The following ADAMTS16 variants were observed in gnomAD, a reference collection of about 807,000 sequenced individuals.
The protein encoded by ADAMTS16 is ADAM metallopeptidase with thrombospondin type 1 motif 16.
In ADAMTS16, 94 loss-of-function variants were observed where a neutral mutation model predicts 145.8. The ratio of observed to expected loss-of-function variants is 0.64; its 90% CI spans 0.55 to 0.77. ADAMTS16 has a LOEUF of 0.77. Ranked by LOEUF, ADAMTS16 falls within the 30% of genes least tolerant of loss-of-function variation. ADAMTS16 has a pLI of 0.00. For missense variants in ADAMTS16, 1,585 were observed against 1,591.5 expected, an observed-to-expected ratio of 1.00 and a Z score of 0.07; for synonymous variants, 659 against 604.3, an observed-to-expected ratio of 1.09 and a Z score of -1.33.
At chr5:5,280,317 TCTAGAGAAGGATC>T (rs1738855318) in intron 18 of ADAMTS16, among the ~76,000 whole-genome samples, 1 of 152,212 alleles carries the variant, frequency 6.6e-6, no homozygotes, top group African/African-American at 2.4e-5. Flanking sequence ...CATCCATTTC[TCTAGAGAAGGATC>T]CTGTGGCGGA....
intron 21 of ADAMTS16, among the ~76,000 whole-genome samples, chr5:5,315,562 G>GA (rs1734021247): frequency 6.6e-6 from 1 of 152,040 alleles, no homozygotes; most frequent in South Asian, 2.1e-4. Context: ...CTCAAGAAAC[G>GA]AAAGATGTTG....
At position 5,141,665 on chromosome 5, in the gene ADAMTS16, G is replaced by A. The variant is rs188819749; in HGVS notation, c.175+899G>A. 3.3e-5 allele frequency among the ~76,000 whole-genome samples: 5 copies of A among 152,226 alleles called. No homozygotes were observed. In the East Asian group the frequency reaches 9.6e-4, roughly 29 times the overall value. Reference sequence around the variant, plus strand: ...TCATTCTCTCAATGTATTTCCAGAAGATCTAGAAAATTAAAGTTAACAATT... The same window carrying A: ...TCATTCTCTCAATGTATTTCCAGAAAATCTAGAAAATTAAAGTTAACAATT... On this transcript the variant is annotated intron_variant, in intron 2 of 22. Coordinates refer to ENST00000274181, the MANE Select transcript of ADAMTS16 (RefSeq NM_139056.4).
intron 18 of ADAMTS16, among the ~76,000 whole-genome samples, chr5:5,282,535 C>T (rs754522831): frequency 5.3e-5 from 8 of 152,170 alleles, no homozygotes; most frequent in East Asian, 1.9e-4. Context: ...TGTCCTTCCC[C>T]GCCCTTCCCT....
At chr5:5,242,305 G>T in intron 17 of ADAMTS16, 114 bp downstream of exon 17, 1 of 1,382,426 alleles carries the variant, frequency 7.2e-7, no homozygotes, top group Non-Finnish European at 9.6e-7. Context: ...CTCCCTGCCA[G>T]TAGCAGTGAC....
chr5:5,208,204 T>TG (rs1333896426), intron 9 of ADAMTS16, among the ~76,000 whole-genome samples: 1 of 151,620 alleles, frequency 6.6e-6, no homozygotes, highest in Non-Finnish European at 1.5e-5. Flanking sequence ...AACGTGGGAC[T>TG]GGGGGTCCTA....
intron 17 of ADAMTS16, 35 bp downstream of exon 17, chr5:5,242,226 A>T (rs768314350): frequency 6.2e-7 from 1 of 1,609,370 alleles, no homozygotes; most frequent in South Asian, 1.1e-5. Flanking sequence ...TGGAGGCAGC[A>T]TGTCAGCCTT....
At chr5:5,223,307 A>G (rs1239464674) in intron 11 of ADAMTS16, 1 of 163,832 alleles carries the variant, frequency 6.1e-6, no homozygotes, top group African/African-American at 2.4e-5. Context: ...TATGGTAGAG[A>G]AAAGAAGAAG....
chr5:5,250,624 G>C (rs1007006547), intron 17 of ADAMTS16, among the ~76,000 whole-genome samples: 1 of 152,166 alleles, frequency 6.6e-6, no homozygotes, highest in African/African-American at 2.4e-5. Flanking sequence ...GTGGTGGAGA[G>C]GGTGCTGTTT....
At chr5:5,204,941 T>C (rs1322993172) in intron 9 of ADAMTS16, among the ~76,000 whole-genome samples, 1 of 152,252 alleles carries the variant, frequency 6.6e-6, no homozygotes, top group Non-Finnish European at 1.5e-5. Context: ...TTGATATTTT[T>C]CATTTTAGGT....
chr5:5,275,446 T>C (rs1019403444), intron 18 of ADAMTS16, among the ~76,000 whole-genome samples: 6 of 152,210 alleles, frequency 3.9e-5, no homozygotes, highest in Non-Finnish European at 5.9e-5. Context: ...CTAGATCAAA[T>C]TCCATAGTTA....
intron 3 of ADAMTS16, among the ~76,000 whole-genome samples, chr5:5,167,427 T>G (rs917466176): frequency 3.3e-5 from 5 of 152,222 alleles, no homozygotes; most frequent in African/African-American, 1.2e-4. Context: ...GATCATTTGC[T>G]TCAATATTTC....
intron 2 of ADAMTS16, 51 bp downstream of exon 2, chr5:5,140,817 A>G (rs760088530): frequency 3.5e-5 from 52 of 1,473,420 alleles, no homozygotes; most frequent in Non-Finnish European, 2.3e-5. Flanking sequence ...GCAGCTCGTA[A>G]TCTCCGTGCC....
intron 18 of ADAMTS16, among the ~76,000 whole-genome samples, chr5:5,276,180 A>G (rs1738688162): frequency 6.6e-6 from 1 of 152,208 alleles, no homozygotes; most frequent in Non-Finnish European, 1.5e-5. Context: ...TTCTTTTAAC[A>G]TAAGCTGAAT....
At chr5:5,172,799 T>C (rs1181256036) in intron 3 of ADAMTS16, among the ~76,000 whole-genome samples, 1 of 152,068 alleles carries the variant, frequency 6.6e-6, no homozygotes, top group Admixed American at 6.5e-5. Context: ...TCCCTGGTGA[T>C]TTTCTGTCTT....
In ADAMTS16 at chr5:5,220,454, G is replaced by A. The variant is rs548804278; in HGVS notation, c.1606-2335G>A. ...ATTACAGGTGTGAGCCACCGCGCCC[G>A]GCCAATAATTTAACATTTTAAAACA... On this transcript the variant is annotated intron_variant, in intron 10 of 22. Transcript: ENST00000274181. Among the ~76,000 whole-genome samples the A allele has an allele frequency of 2.0e-4, 31 of 151,990 alleles. No homozygotes were observed. In the East Asian group the frequency reaches 2.3e-3, roughly 12 times the overall value.
intron 18 of ADAMTS16, among the ~76,000 whole-genome samples, chr5:5,275,132 T>C (rs947799165): frequency 6.6e-6 from 1 of 152,176 alleles, no homozygotes; most frequent in Non-Finnish European, 1.5e-5. Flanking sequence ...AGAATCAAGG[T>C]TCTGGGGTTG....
rs1418783064 is a variant in ADAMTS16, at chr5:5,288,911, T to A, written c.2790-14357T>A. On this transcript the variant is annotated intron_variant, in intron 18 of 22. Coordinates refer to ENST00000274181, the MANE Select transcript of ADAMTS16 (RefSeq NM_139056.4). Reference sequence around the variant, plus strand: ...ACGACCTCTGTGGCTGCAGACAGGGTCCTCGGTGTCTCTAGCCTCAGCTTC... The same window carrying A: ...ACGACCTCTGTGGCTGCAGACAGGGACCTCGGTGTCTCTAGCCTCAGCTTC... 2.0e-5 allele frequency among the ~76,000 whole-genome samples: 3 copies of A among 152,278 alleles called. No individual in the cohort carries two copies. In the East Asian group the frequency reaches 5.8e-4, roughly 29 times the overall value.
At chr5:5,185,596 G>T (rs1429546372) in intron 4 of ADAMTS16, among the ~76,000 whole-genome samples, 2 of 152,194 alleles carry the variant, frequency 1.3e-5, no homozygotes, top group Non-Finnish European at 2.9e-5. Flanking sequence ...TCCAGACATT[G>T]AAATCAACTT....
At chr5:5,169,559 C>T (rs1234403474) in intron 3 of ADAMTS16, among the ~76,000 whole-genome samples, 2 of 152,218 alleles carry the variant, frequency 1.3e-5, no homozygotes, top group African/African-American at 4.8e-5. Context: ...TGGTCCTCCT[C>T]TGTTGCATCT....
Sources: gnomAD v4.1 joint callset for allele counts (sites outside exome capture counted in the v4.1 genomes callset) on GRCh38, gnomAD v4.1.1 for gene constraint, MANE v1.5 for transcripts, NCBI Gene and HGNC (gene_info 2026-07-23, HGNC 2026-07-21) for gene names.